MYMK: variants seen among roughly 807,000 people sequenced by gnomAD.
MYMK encodes the protein protein myomaker.
A neutral mutation model predicts 22.4 loss-of-function variants in MYMK; 16 were observed. The ratio of observed to expected loss-of-function variants is 0.72; its 90% CI spans 0.48 to 1.09. The LOEUF (loss-of-function observed/expected upper bound fraction) is 1.09, where lower values mean the gene tolerates loss of function less well. Among genes scored for constraint, MYMK ranks in the 50% least tolerant of loss-of-function variants. The pLI is 0.00. For synonymous variants in MYMK, 125 were observed against 127.0 expected (o/e 0.98, Z 0.11); for missense variants, 250 against 295.6 (o/e 0.85, Z 1.13).
At chr9:133,517,622 C>T (rs970775618) in intron 3 of MYMK, among the ~76,000 whole-genome samples, 4 of 149,756 alleles carry the variant, frequency 2.7e-5, no homozygotes, top group East Asian at 2.0e-4. Context: ...GCCAAGATGG[C>T]GCCATTGCAC....
Position 133,518,922 on chromosome 9 carries a change from CACCCCGTA to C in MYMK, c.343_350del (p.Tyr115ValfsTer55). 1.2e-6 allele frequency: 2 copies of C among 1,613,768 alleles called. No individual in the cohort carries two copies. The highest frequency in any genetic ancestry group is 1.7e-6 in the Non-Finnish European group (2 of 1,179,984). ...TGGCTGTGCCGATGGGGCCCGAGTA[CACCCCGTA>C]GCCCCATCGGTCATGGTAGATCCGC... On this transcript the variant is annotated frameshift_variant, in exon 3 of 5. Transcript: ENST00000339996. LOFTEE classifies it high-confidence loss of function.
At position 133,524,697 on chromosome 9, in the gene MYMK, C is replaced by A. The variant is rs753671131; in HGVS notation, c.135+13G>T. 3.1e-6 allele frequency: 5 copies of A among 1,614,074 alleles called. No homozygotes were observed. The highest frequency in any genetic ancestry group is 3.4e-6 in the Non-Finnish European group (4 of 1,179,998). On this transcript the variant is annotated intron_variant, in intron 1 of 4. Coordinates refer to ENST00000339996, the MANE Select transcript of MYMK (RefSeq NM_001080483.3). The stretch of plus-strand genomic sequence containing the variant: ...GGGCCTGTGTGGGACTTCCTCCCAG[C>A]CCCCAGACTCACCGCCACGAAGAAC...
chr9:133,522,781 A>T (rs547652159), intron 1 of MYMK, among the ~76,000 whole-genome samples: 1 of 152,360 alleles, frequency 6.6e-6, no homozygotes, highest in East Asian at 1.9e-4. Flanking sequence ...TCATCTGCCC[A>T]AGAGGCTTCC....
intron 1 of MYMK, among the ~76,000 whole-genome samples, chr9:133,520,567 T>G (rs1414547284): frequency 6.6e-6 from 1 of 152,196 alleles, no homozygotes; most frequent in Non-Finnish European, 1.5e-5. Context: ...AATTCGCTCA[T>G]CTGCACTGGC....
chr9:133,523,834 A>G (rs1321116392), intron 1 of MYMK, among the ~76,000 whole-genome samples: 1 of 152,070 alleles, frequency 6.6e-6, no homozygotes, highest in East Asian at 1.9e-4. Context: ...ATGGGGATCG[A>G]GTTCCAGAAA....
chr9:133,520,357 G>A (rs1160492076), intron 1 of MYMK, 69 bp from the exon 2 acceptor site: 6 of 1,253,068 alleles, frequency 4.8e-6, no homozygotes, highest in African/African-American at 1.5e-5. Context: ...ACGGCCCCCA[G>A]AGTGCCAGGT....
chr9:133,520,130 C>T (rs369250202), intron 2 of MYMK, 44 bp downstream of exon 2: 34 of 1,511,980 alleles, frequency 2.2e-5, no homozygotes, highest in East Asian at 6.8e-5. Flanking sequence ...ACTGGGGAGC[C>T]GGTCCTTGTC....
chr9:133,522,801 C>A (rs924092677), intron 1 of MYMK, among the ~76,000 whole-genome samples: 2 of 152,246 alleles, frequency 1.3e-5, no homozygotes, highest in African/African-American at 4.8e-5. Context: ...CTAGCCCTAG[C>A]CCAGGCTGGA....
At chr9:133,518,495 C>G (rs144683540) in intron 3 of MYMK, among the ~76,000 whole-genome samples, 3,893 of 152,384 alleles carry the variant, frequency 0.026, 86 homozygotes, top group Non-Finnish European at 0.038. Flanking sequence ...ACAAATAGCT[C>G]TTATGTGCGG....
rs952297987 is a variant in MYMK, at chr9:133,515,878, G to A, written c.400-271C>T. On this transcript the variant is annotated intron_variant, in intron 3 of 4. Transcript: ENST00000339996. The surrounding 1 kb of genome is among the most constrained non-coding windows in gnomAD (Gnocchi z 5.8). Reference sequence around the variant, plus strand: ...CCCACAAAGACCCCGCTGCCCTCCCGCCTCTTTGAGATGTAACAACGCCAC... The same window carrying A: ...CCCACAAAGACCCCGCTGCCCTCCCACCTCTTTGAGATGTAACAACGCCAC... 6.6e-6 allele frequency among the ~76,000 whole-genome samples: 1 copy of A among 152,092 alleles called. No individual in the cohort carries two copies. Among genetic ancestry groups the A allele is most frequent in the African/African-American group, 2.4e-5 (1 of 41,440 alleles).
chr9:133,516,749 C>A (rs912459128), intron 3 of MYMK, among the ~76,000 whole-genome samples: 1 of 152,194 alleles, frequency 6.6e-6, no homozygotes, highest in Non-Finnish European at 1.5e-5. Flanking sequence ...GCCAGCCCTG[C>A]AGTAGTAACA....
At chr9:133,520,412 C>A (rs1320202702) in intron 1 of MYMK, 124 bp from the exon 2 acceptor site, 38 of 709,468 alleles carry the variant, frequency 5.4e-5, no homozygotes, top group Non-Finnish European at 9.1e-5. Flanking sequence ...CACTTAATGA[C>A]TGTGTGCCTC....
intron 1 of MYMK, 62 bp from the exon 2 acceptor site, chr9:133,520,350 GC>G: frequency 1.5e-6 from 2 of 1,367,722 alleles, no homozygotes; most frequent in Admixed American, 1.8e-5. Flanking sequence ...CCGAGCCACG[GC>G]CCCCAGAGTG....
In MYMK at chr9:133,515,916, C is replaced by T. The variant is rs559931229; in HGVS notation, c.400-309G>A. ...GTAACAACGCCACCCTCGCATGTCT[C>T]CTCCTCCCTGGAGGGGAGCTCTGGG... On this transcript the variant is annotated intron_variant, in intron 3 of 4. Transcript: ENST00000339996. The surrounding 1 kb of genome is among the most constrained non-coding windows in gnomAD (Gnocchi z 5.8). Among the ~76,000 whole-genome samples the T allele has an allele frequency of 3.3e-5, 5 of 152,328 alleles. No individual in the cohort carries two copies. The highest frequency in any genetic ancestry group is 1.3e-4 in the Admixed American group (2 of 15,308).
intron 2 of MYMK, among the ~76,000 whole-genome samples, chr9:133,519,414 G>A (rs914519758): frequency 9.9e-5 from 15 of 152,134 alleles, no homozygotes; most frequent in African/African-American, 2.2e-4. Context: ...CAAAAAATTC[G>A]GTGGGTGTCG....
At chr9:133,522,747 G>A (rs1844715984) in intron 1 of MYMK, among the ~76,000 whole-genome samples, 1 of 152,230 alleles carries the variant, frequency 6.6e-6, no homozygotes. Context: ...GAGAAATCCT[G>A]GCTCTGCTCT....
At chr9:133,517,414 C>T (rs2131068546) in intron 3 of MYMK, among the ~76,000 whole-genome samples, 1 of 152,306 alleles carries the variant, frequency 6.6e-6, no homozygotes, top group East Asian at 1.9e-4. Context: ...GCCTGTAATT[C>T]CAGCACTTTG....
chr9:133,518,641 T>A (rs1333509791), intron 3 of MYMK, among the ~76,000 whole-genome samples: 1 of 151,984 alleles, frequency 6.6e-6, no homozygotes, highest in Non-Finnish European at 1.5e-5. Context: ...AGGTGAGACA[T>A]TGGGTAACTT....
intron 3 of MYMK, 72 bp downstream of exon 3, chr9:133,518,802 A>C (rs1205154223): frequency 6.5e-7 from 1 of 1,549,788 alleles, no homozygotes; most frequent in Non-Finnish European, 8.7e-7. Flanking sequence ...GATCCGAGGC[A>C]GGAGGAGTCA....
Sources: allele counts gnomAD v4.1 joint callset (sites outside exome capture counted in the v4.1 genomes callset), GRCh38; gene constraint gnomAD v4.1.1; non-coding constraint Gnocchi (gnomAD v3.1); transcripts MANE v1.5; gene names NCBI Gene and HGNC (gene_info 2026-07-23, HGNC 2026-07-21).